The following STAMBP variants were observed in gnomAD, a reference collection of about 807,000 sequenced individuals.
The protein encoded by STAMBP is STAM-binding protein.
A neutral mutation model predicts 50.7 loss-of-function variants in STAMBP; 31 were observed. The observed-to-expected ratio is 0.61, with a 90% CI of 0.46 to 0.83. STAMBP has a LOEUF of 0.83. Ranked by LOEUF, STAMBP falls within the 40% of genes least tolerant of loss-of-function variation. The pLI, the probability that STAMBP is intolerant of heterozygous loss-of-function variation, is 0.00. For synonymous variants in STAMBP, 211 were observed against 192.4 expected (o/e 1.10, Z -0.80); for missense variants, 472 against 518.9 (o/e 0.91, Z 0.88).
intron 9 of STAMBP, among the ~76,000 whole-genome samples, chr2:73,861,919 C>G (rs955889900): frequency 4.6e-5 from 7 of 152,084 alleles, no homozygotes; most frequent in Admixed American, 2.0e-4. Context: ...AGGCAGATTA[C>G]TTGAGGTCAG....
Position 73,866,915 on chromosome 2 carries a change from C to T in STAMBP, c.*4656C>T, listed in dbSNP as rs567704971. ...AAATCTCAAGATGAGCCCATGAGAT[C>T]TGGTGGTTAGCAGAGGCCTTTCCTG... is the stretch of plus-strand genomic sequence containing the variant. On this transcript the variant is annotated 3_prime_UTR_variant, in exon 10 of 10. Coordinates refer to ENST00000394070, the MANE Select transcript of STAMBP (RefSeq NM_213622.4). 3 of 152,402 alleles carry T rather than the reference C, an allele frequency of 2.0e-5. No individual in the cohort carries two copies. The East Asian group carries it at 5.8e-4, about 29-fold the overall frequency. 9.4% of individuals were successfully genotyped at this position (152,402 alleles called of 1,614,324 possible).
intron 7 of STAMBP, among the ~76,000 whole-genome samples, chr2:73,857,782 G>A (rs1410194598): frequency 6.6e-6 from 1 of 152,090 alleles, no homozygotes; most frequent in African/African-American, 2.4e-5. Context: ...AGGAACTGAA[G>A]TGGAATCTCC....
At chr2:73,869,793 G>A (rs1170912672), downstream of STAMBP, among the ~76,000 whole-genome samples, 1 of 152,084 alleles carries the variant, frequency 6.6e-6, no homozygotes, top group African/African-American at 2.4e-5. Flanking sequence ...GATACTGACC[G>A]AGGACTAGAT....
At chr2:73,858,768 G>A (rs1010715423) in intron 7 of STAMBP, among the ~76,000 whole-genome samples, 2 of 152,216 alleles carry the variant, frequency 1.3e-5, no homozygotes, top group African/African-American at 4.8e-5. Flanking sequence ...AGGAACCTCA[G>A]GTGGACCTCT....
chr2:73,859,175 C>A, intron 7 of STAMBP, 79 bp from the exon 8 acceptor site: 1 of 1,152,912 alleles, frequency 8.7e-7, no homozygotes, highest in Non-Finnish European at 1.3e-6. Flanking sequence ...AGCTTTAAAC[C>A]TCAGAAAGGG....
intron 2 of STAMBP, among the ~76,000 whole-genome samples, chr2:73,835,721 C>T (rs572677866): frequency 5.3e-5 from 8 of 152,224 alleles, no homozygotes; most frequent in Admixed American, 1.3e-4. Context: ...ACAACTTAAA[C>T]GATAGGGTAG....
intron 7 of STAMBP, among the ~76,000 whole-genome samples, chr2:73,853,861 G>A (rs546431982): frequency 9.2e-5 from 14 of 152,272 alleles, no homozygotes; most frequent in African/African-American, 2.6e-4. Context: ...TCCTTGCTTC[G>A]TTTATAATTT....
intron 2 of STAMBP, among the ~76,000 whole-genome samples, chr2:73,843,420 G>GTATATATA (rs3980653): frequency 3.6e-5 from 4 of 112,352 alleles, no homozygotes; most frequent in African/African-American, 1.3e-4. Flanking sequence ...ATATATATAT[G>GTATATATA]TATATATATA....
At chr2:73,860,933 G>T (rs1037246692) in intron 9 of STAMBP, among the ~76,000 whole-genome samples, 2 of 152,198 alleles carry the variant, frequency 1.3e-5, no homozygotes, top group Admixed American at 6.5e-5. Flanking sequence ...TAAAAAAAGG[G>T]ATTGGGTATA....
intron 8 of STAMBP, among the ~76,000 whole-genome samples, chr2:73,859,717 T>TAA (rs996556029): frequency 1.3e-5 from 2 of 149,794 alleles, no homozygotes. Context: ...AAAAATATAA[T>TAA]AAAAAAATAA....
chr2:73,837,255 G>T (rs1186928671), intron 2 of STAMBP, among the ~76,000 whole-genome samples: 2 of 152,090 alleles, frequency 1.3e-5, no homozygotes, highest in African/African-American at 4.8e-5. Context: ...AGAATTATTA[G>T]ACCTACAGCT....
intron 7 of STAMBP, among the ~76,000 whole-genome samples, chr2:73,852,035 A>G (rs538743846): frequency 5.3e-5 from 8 of 152,192 alleles, no homozygotes; most frequent in Non-Finnish European, 1.0e-4. Flanking sequence ...GAAAATTCCT[A>G]AAGGTTTTTG....
At chr2:73,832,877 G>GTTACA (rs1224930454) in intron 2 of STAMBP, among the ~76,000 whole-genome samples, 4 of 152,208 alleles carry the variant, frequency 2.6e-5, no homozygotes, top group Admixed American at 1.3e-4. Flanking sequence ...GACTGTCTAG[G>GTTACA]ATTCATATTG....
chr2:73,868,824 G>T (rs1020786424), downstream of STAMBP, among the ~76,000 whole-genome samples: 2 of 152,088 alleles, frequency 1.3e-5, no homozygotes, highest in African/African-American at 4.8e-5. Context: ...ATAGTGAGCT[G>T]TGATAGCGCC....
At chr2:73,857,251 C>T (rs1357736835) in intron 7 of STAMBP, among the ~76,000 whole-genome samples, 3 of 152,234 alleles carry the variant, frequency 2.0e-5, no homozygotes, top group African/African-American at 4.8e-5. Flanking sequence ...GATGCCTTCT[C>T]GCATCAAGGC....
chr2:73,843,447 T>TA lies in STAMBP; in HGVS notation c.204-1363dup, dbSNP rs1675693207. Among the ~76,000 whole-genome samples the TA allele has an allele frequency of 1.2e-4, 18 of 147,524 alleles. No homozygotes were observed. In the South Asian group the frequency reaches 3.6e-3, roughly 29 times the overall value. ...ATATATATATATAAATTAAAAAATA[T>TA]AAATAGAGACAAGGTCTCACCCTGT... On this transcript the variant is annotated intron_variant, in intron 2 of 9. Transcript: ENST00000394070.
rs1678476641 is a variant in STAMBP at position 73,862,720 on chromosome 2, T to C, written c.*461T>C. The C allele has an allele frequency of 6.5e-6, 1 of 152,906 alleles. No homozygotes were observed. Among genetic ancestry groups the C allele is most frequent in the Non-Finnish European group, 1.5e-5 (1 of 68,220 alleles). The allele number at this position is 152,906 out of a possible 1,614,324, so 9.5% of individuals were successfully genotyped here. On this transcript the variant is annotated 3_prime_UTR_variant, in exon 10 of 10. Transcript: ENST00000394070. ...AAATCTTTTGGATTTTCCTGTGGTTTATGGCAATATGAATGGAGCTTATTA... is the reference window on the plus strand; with the variant it reads ...AAATCTTTTGGATTTTCCTGTGGTTCATGGCAATATGAATGGAGCTTATTA...
chr2:73,839,915 T>C (rs1396708834), intron 2 of STAMBP, among the ~76,000 whole-genome samples: 2 of 152,246 alleles, frequency 1.3e-5, no homozygotes, highest in Non-Finnish European at 2.9e-5. Flanking sequence ...CTATTCCATC[T>C]GCCTGGAACA....
rs924007445 is a variant in STAMBP, at chr2:73,865,297, A to G, written c.*3038A>G. On this transcript the variant is annotated 3_prime_UTR_variant, in exon 10 of 10. Transcript: ENST00000394070. ...TTTGAGAACACAGTTTTAGGACCAG[A>G]GTAGATGTTGTTCCCTAGAAAATAG... 6.6e-6 allele frequency: 1 copy of G among 152,232 alleles called. No individual in the cohort carries two copies. The highest frequency in any genetic ancestry group is 1.5e-5 in the Non-Finnish European group (1 of 68,060). The allele number at this position is 152,232 out of a possible 1,614,324, so 9.4% of individuals were successfully genotyped here. A position where few individuals can be genotyped will look rare whatever the true frequency, so the allele number is the denominator to read the frequency against.
Sources: gnomAD v4.1 joint callset for allele counts (sites outside exome capture counted in the v4.1 genomes callset) on GRCh38, gnomAD v4.1.1 for gene constraint, MANE v1.5 for transcripts, NCBI Gene and HGNC (gene_info 2026-07-23, HGNC 2026-07-21) for gene names.